The following SCARB1 variants were observed in gnomAD, a reference collection of about 807,000 sequenced individuals.
The protein encoded by SCARB1 is scavenger receptor class B member 1, also known as CD36 and LIMPII analogous 1.
In SCARB1, 30 loss-of-function variants were observed where a neutral mutation model predicts 57.2. That is an observed-to-expected ratio of 0.52 (90% CI 0.39 to 0.71). SCARB1 has a LOEUF of 0.71. Among genes scored for constraint, SCARB1 ranks in the 30% least tolerant of loss-of-function variants. SCARB1 has a pLI of 0.00. For missense variants in SCARB1, 543 were observed against 671.2 expected (o/e 0.81, Z 2.11); for synonymous variants, 249 against 268.3 (o/e 0.93, Z 0.70).
At chr12:124,826,625 T>C (rs1352076163) in intron 1 of SCARB1, among the ~76,000 whole-genome samples, 1 of 152,062 alleles carries the variant, frequency 6.6e-6, no homozygotes, top group Admixed American at 6.6e-5. Flanking sequence ...TTTATTTTTT[T>C]ATTTTTTTGC....
intron 12 of SCARB1, among the ~76,000 whole-genome samples, chr12:124,779,901 C>T (rs530571679): frequency 6.6e-6 from 1 of 152,310 alleles, no homozygotes; most frequent in African/African-American, 2.4e-5. Flanking sequence ...AGCCCCGCCC[C>T]CACACCACCC....
chr12:124,844,847 G>C (rs1460487272), intron 1 of SCARB1, among the ~76,000 whole-genome samples: 1 of 141,564 alleles, frequency 7.1e-6, no homozygotes, highest in Non-Finnish European at 1.5e-5. Flanking sequence ...ACAGAGTCCT[G>C]CTCTGTTGCC....
At chr12:124,828,535 C>T (rs1391356325) in intron 1 of SCARB1, among the ~76,000 whole-genome samples, 1 of 152,214 alleles carries the variant, frequency 6.6e-6, no homozygotes, top group African/African-American at 2.4e-5. Flanking sequence ...ACGATCTGCC[C>T]GGCCCTGTTC....
intron 1 of SCARB1, among the ~76,000 whole-genome samples, chr12:124,833,036 C>T (rs10744182): frequency 0.5 from 75,063 of 151,598 alleles, 20,217 homozygotes; most frequent in Middle Eastern, 0.68. Flanking sequence ...AAGAGGCCTC[C>T]GCATTCCTTG....
rs1566231409 is a variant in SCARB1, at chr12:124,837,510, A to AGG, written c.127-19804_127-19803insCC. 6.4e-3 allele frequency among the ~76,000 whole-genome samples: 769 copies of AGG among 119,868 alleles called. 46 individuals are homozygous for AGG. The East Asian group carries it at 0.11, about 17-fold the overall frequency. The allele number at this position is 119,868 out of a possible 152,430, so 78.6% of individuals were successfully genotyped here. A position where few individuals can be genotyped will look rare whatever the true frequency, so the allele number is the denominator to read the frequency against. Reference sequence around the variant, plus strand: ...AAGGAAGGAAGGAAGGAAGGGAGAAAAAAGAAAAGAAAGGAAAGAAAAAGA... The same window carrying AGG: ...AAGGAAGGAAGGAAGGAAGGGAGAAAGGAAAGAAAAGAAAGGAAAGAAAAAGA... On this transcript the variant is annotated intron_variant, in intron 1 of 12. Coordinates refer to ENST00000261693, the MANE Select transcript of SCARB1 (RefSeq NM_005505.5).
At chr12:124,846,477 G>A (rs368623404) in intron 1 of SCARB1, among the ~76,000 whole-genome samples, 8 of 152,070 alleles carry the variant, frequency 5.3e-5, no homozygotes, top group African/African-American at 7.2e-5. Context: ...CTGGCCGGGC[G>A]TGGTGGCTCA....
chr12:124,812,007 G>T lies in SCARB1; in HGVS notation c.631-42C>A. 1.4e-6 allele frequency: 2 copies of T among 1,475,496 alleles called. No homozygotes were observed. The highest frequency in any genetic ancestry group is 1.4e-5 in the African/African-American group (1 of 71,822). The allele number at this position is 1,475,496 out of a possible 1,614,324, so 91.4% of individuals were successfully genotyped here. A position where few individuals can be genotyped will look rare whatever the true frequency, so the allele number is the denominator to read the frequency against. On this transcript the variant is annotated intron_variant, in intron 4 of 12. Coordinates refer to ENST00000261693, the MANE Select transcript of SCARB1 (RefSeq NM_005505.5). This position sits in a 1 kb window ranked among gnomAD's most constrained non-coding sequence, Gnocchi z 4.3. Reference sequence around the variant, plus strand: ...GAACAGCATCGTAAGGCTTAGGCCTGCCATTGAGCCGGCCTGGTCTGAACA... The same window carrying T: ...GAACAGCATCGTAAGGCTTAGGCCTTCCATTGAGCCGGCCTGGTCTGAACA...
At chr12:124,831,546 C>A (rs1194543733) in intron 1 of SCARB1, among the ~76,000 whole-genome samples, 2 of 152,190 alleles carry the variant, frequency 1.3e-5, no homozygotes, top group African/African-American at 2.4e-5. Context: ...CCCGTCAAAT[C>A]TGATTTCTGA....
At position 124,794,400 on chromosome 12, in the gene SCARB1, C is replaced by CTT. The variant is rs3043265; in HGVS notation, c.1202+793_1202+794dup. ...AGAGGAAATCAGTGCTTGAAAAATTCTTTTTTTTTTTTTTTTTTGAGACGG... is the reference window on the plus strand; with the variant it reads ...AGAGGAAATCAGTGCTTGAAAAATTCTTTTTTTTTTTTTTTTTTTTGAGACGG... On this transcript the variant is annotated intron_variant, in intron 9 of 12. Coordinates refer to ENST00000261693, the MANE Select transcript of SCARB1 (RefSeq NM_005505.5). Among the ~76,000 whole-genome samples the CTT allele has an allele frequency of 3.0e-3, 356 of 119,850 alleles. 5 individuals carry two copies. The highest frequency in any genetic ancestry group is 4.0e-3 in the South Asian group (15 of 3,786). 78.6% of individuals were successfully genotyped at this position (119,850 alleles called of 152,430 possible).
At chr12:124,856,941 T>C (rs556585802) in intron 1 of SCARB1, among the ~76,000 whole-genome samples, 1 of 152,286 alleles carries the variant, frequency 6.6e-6, no homozygotes, top group African/African-American at 2.4e-5. Context: ...CAGGGTGCAC[T>C]CTGCACCAGC....
intron 7 of SCARB1, among the ~76,000 whole-genome samples, chr12:124,802,560 A>C (rs1950172161): frequency 6.6e-6 from 1 of 152,142 alleles, no homozygotes. Context: ...CCCCAGGTGG[A>C]GACCGAGGTG....
At chr12:124,860,187 G>A (rs1165181167) in intron 1 of SCARB1, among the ~76,000 whole-genome samples, 1 of 152,106 alleles carries the variant, frequency 6.6e-6, no homozygotes, top group Non-Finnish European at 1.5e-5. Flanking sequence ...CCTGACCTCA[G>A]GTGATCCGGT....
At chr12:124,809,664 C>T (rs1325321295) in intron 6 of SCARB1, among the ~76,000 whole-genome samples, 1 of 152,100 alleles carries the variant, frequency 6.6e-6, no homozygotes, top group Admixed American at 6.6e-5. Flanking sequence ...TGAGTGAATT[C>T]CTAAGTAAAG....
chr12:124,821,250 ACACACACACG>A, intron 1 of SCARB1: 1 of 314,708 alleles, frequency 3.2e-6, no homozygotes, highest in Non-Finnish European at 4.6e-6. Flanking sequence ...ACACACACAC[ACACACACACG>A]CACACACACG....
chr12:124,807,906 C>A lies in SCARB1; in HGVS notation c.864G>T (p.Lys288Asn). ...EACRSMKLMY[K>N]ESGVFEGIPT... is the part of the protein sequence containing the mutation. ...GGATGCCTTCAAACACCCCTGACTCCTTGTACATTAGCTTCATGGATCTGC... is the reference window on the plus strand; with the variant it reads ...GGATGCCTTCAAACACCCCTGACTCATTGTACATTAGCTTCATGGATCTGC... Residue 288 changes from lysine to asparagine, a missense_variant, in exon 7 of 13, where the codon AAG becomes AAT. Lys to Asn is a moderately conservative substitution (Grantham distance 94, BLOSUM62 0). Transcript: ENST00000261693. The surrounding 1 kb of genome is among the most constrained non-coding windows in gnomAD (Gnocchi z 5.3). 1.2e-6 allele frequency: 2 copies of A among 1,614,176 alleles called. No homozygotes were observed. The highest frequency in any genetic ancestry group is 1.7e-6 in the Non-Finnish European group (2 of 1,180,038).
At chr12:124,845,537 C>CAAAAA (rs34178546) in intron 1 of SCARB1, among the ~76,000 whole-genome samples, 73 of 106,410 alleles carry the variant, frequency 6.9e-4, no homozygotes, top group African/African-American at 2.5e-3. Flanking sequence ...ATTAAAAATA[C>CAAAAA]AAAAAAAAAA....
intron 9 of SCARB1, among the ~76,000 whole-genome samples, chr12:124,787,768 A>G (rs1949577686): frequency 2.0e-5 from 3 of 151,766 alleles, no homozygotes; most frequent in Admixed American, 6.6e-5. Flanking sequence ...GCTGTTTGAC[A>G]TCACACAGCT....
rs763292423 is a variant in SCARB1 at position 124,797,525 on chromosome 12, T to C, written c.1129-2257A>G. On this transcript the variant is annotated intron_variant, in intron 8 of 12. Transcript: ENST00000261693. ...CGTCGGCCTCAAGCTCATCTGGAGG[T>C]AGAATTGGACGCAGCAGCTAAAGTG... is the stretch of plus-strand genomic sequence containing the variant. Among the ~76,000 whole-genome samples, 3 of 151,870 alleles carry C rather than the reference T, an allele frequency of 2.0e-5. 1 individual carries two copies. Among genetic ancestry groups the C allele is most frequent in the Non-Finnish European group, 4.4e-5 (3 of 67,970 alleles).
At chr12:124,803,855 A>C (rs959210974) in intron 7 of SCARB1, among the ~76,000 whole-genome samples, 1 of 152,154 alleles carries the variant, frequency 6.6e-6, no homozygotes, top group Admixed American at 6.5e-5. Flanking sequence ...ACTGCACTTG[A>C]GCCTGGGCAA....
Sources: gnomAD v4.1 joint callset for allele counts (sites outside exome capture counted in the v4.1 genomes callset) on GRCh38, gnomAD v4.1.1 for gene constraint, Gnocchi (gnomAD v3.1) non-coding constraint, MANE v1.5 for transcripts, NCBI Gene and HGNC (gene_info 2026-07-23, HGNC 2026-07-21) for gene names.